The following TBCE variants were observed in gnomAD, a reference collection of about 807,000 sequenced individuals.
TBCE encodes tubulin folding cofactor E.
In TBCE, 53 loss-of-function variants were observed where a neutral mutation model predicts 77.0. That is an observed-to-expected ratio of 0.69 (90% confidence interval 0.55 to 0.87). The LOEUF (loss-of-function observed/expected upper bound fraction) is 0.87, where lower values mean the gene tolerates loss of function less well. TBCE is among the 40% of genes least tolerant of loss of function. The probability of loss-of-function intolerance (pLI) is 0.00; values close to 1 mark genes in which losing one functional copy is unlikely to be tolerated. For synonymous variants in TBCE, 235 were observed against 241.3 expected, an observed-to-expected ratio of 0.97 and a Z score of 0.24; for missense variants, 624 against 622.4, an observed-to-expected ratio of 1.00 and a Z score of -0.03.
At position 235,434,242 on chromosome 1, in the gene TBCE, A is replaced by G. The variant is rs1392218536; in HGVS notation, c.699A>G (p.Glu233=). 1.9e-6 allele frequency: 3 copies of G among 1,614,102 alleles called. No individual in the cohort carries two copies. Among genetic ancestry groups the G allele is most frequent in the Non-Finnish European group, 2.5e-6 (3 of 1,180,026 alleles). Residue 233 remains glutamate (E), a synonymous_variant, in exon 8 of 17, where the codon GAA becomes GAG. Transcript: ENST00000642610. ...TCGCGGGGTGCCCAGGCCTGGAGGAACTCTACCTTGAGTCTAACAACATTT... is the reference window on the plus strand; with the variant it reads ...TCGCGGGGTGCCCAGGCCTGGAGGAGCTCTACCTTGAGTCTAACAACATTT... ...RCVAGCPGLE[E]LYLESNNIFI...
At chr1:235,386,255 G>T (rs539700352) in intron 2 of TBCE, among the ~76,000 whole-genome samples, 95 of 152,214 alleles carry the variant, frequency 6.2e-4, no homozygotes, top group African/African-American at 2.0e-3. Context: ...TTCAACTTTG[G>T]TGAATCTGAC....
chr1:235,438,362 A>T (rs1052417266), intron 12 of TBCE, among the ~76,000 whole-genome samples: 1 of 152,128 alleles, frequency 6.6e-6, no homozygotes. Context: ...CCTGGCTAAC[A>T]CGGCGAAACC....
Position 235,399,814 on chromosome 1 carries a change from G to A in TBCE, c.101-1689G>A, listed in dbSNP as rs184107016. ...GAAGTTCCAGACGCCCAGGCTAGTG[G>A]CTGGTGGTCTGACACTATGTCCAGT... On this transcript the variant is annotated intron_variant, in intron 2 of 16. Coordinates refer to ENST00000642610, the MANE Select transcript of TBCE (RefSeq NM_003193.5). Among the ~76,000 whole-genome samples, 6 of 152,296 alleles carry A rather than the reference G, an allele frequency of 3.9e-5. No homozygotes were observed. The East Asian group carries it at 7.7e-4, about 20-fold the overall frequency.
intron 1 of TBCE, among the ~76,000 whole-genome samples, chr1:235,373,020 A>G (rs889795362): frequency 1.3e-5 from 2 of 151,624 alleles, no homozygotes; most frequent in East Asian, 1.9e-4. Flanking sequence ...CTGTGGCTGT[A>G]TAGAAAAATG....
chr1:235,430,593 T>C (rs946003544), intron 6 of TBCE, 112 bp from the exon 7 acceptor site: 29 of 723,806 alleles, frequency 4.0e-5, no homozygotes, highest in Middle Eastern at 3.9e-4. Context: ...CATTTTAAGA[T>C]TGAAACAAAT....
At chr1:235,400,923 C>T (rs943834987) in intron 2 of TBCE, among the ~76,000 whole-genome samples, 3 of 150,386 alleles carry the variant, frequency 2.0e-5, no homozygotes, top group South Asian at 2.1e-4. Flanking sequence ...CGACCAGTCT[C>T]GAATTCCTGA....
intron 11 of TBCE, 96 bp downstream of exon 11, chr1:235,436,704 A>C (rs1057151474): frequency 5.6e-5 from 69 of 1,232,842 alleles, no homozygotes; most frequent in Non-Finnish European, 7.6e-5. Flanking sequence ...GTAAAAAGAA[A>C]TTTAAATCGA....
chr1:235,421,701 C>CT (rs1476803735), intron 5 of TBCE, among the ~76,000 whole-genome samples: 8 of 151,708 alleles, frequency 5.3e-5, no homozygotes, highest in Admixed American at 1.3e-4. Flanking sequence ...GAGTGAGACT[C>CT]TGTTTCAAAA....
intron 13 of TBCE, among the ~76,000 whole-genome samples, chr1:235,440,339 G>T (rs573876383): frequency 1.3e-5 from 2 of 152,086 alleles, no homozygotes; most frequent in African/African-American, 2.4e-5. Context: ...GGCGCACCAT[G>T]CTCCACTGTA....
chr1:235,439,010 G>A, intron 13 of TBCE, 88 bp downstream of exon 13: 1 of 1,580,488 alleles, frequency 6.3e-7, no homozygotes, highest in South Asian at 1.1e-5. Flanking sequence ...GGTTCTCAGT[G>A]TTGCTTTTGC....
rs200872874 is a variant in TBCE, at chr1:235,414,617, A to G, written c.370A>G (p.Ser124Gly). 19 of 1,613,470 alleles carry G rather than the reference A, an allele frequency of 1.2e-5. No homozygotes were observed. Among genetic ancestry groups the G allele is most frequent in the Non-Finnish European group, 1.5e-5 (18 of 1,179,850 alleles). The change falls in exon 4 of 17, where the codon AGT (serine) becomes GGT (glycine). Residue 124 changes from serine (S) to glycine (G), a missense_variant and splice_region_variant. Ser to Gly is a moderately conservative substitution (Grantham distance 56). Transcript: ENST00000642610. The stretch of plus-strand genomic sequence containing the variant: ...TTTTGACTCTATTATGAAACAGCAA[A>G]GGTAAGTGGAGTTTATAACGGCAGA... Reference protein sequence around the residue: ...IGFDSIMKQQSQLSKLQEVSL... With the variant: ...IGFDSIMKQQGQLSKLQEVSL...
chr1:235,430,774 C>T lies in TBCE; in HGVS notation c.630C>T (p.Val210=), dbSNP rs778214791. The change falls in exon 7 of 17, where the codon GTC becomes GTT. Residue 210 remains valine (V), a synonymous_variant. Coordinates refer to ENST00000642610, the MANE Select transcript of TBCE (RefSeq NM_003193.5). ...TGTLSVLKVL[V]LNQTGITWAE... ...CGCTTTCTGTACTGAAGGTTTTAGT[C>T]CTCAATCAAACAGGAATAACGTGGG... The T allele has an allele frequency of 1.6e-5, 26 of 1,613,548 alleles. No individual in the cohort carries two copies. Among genetic ancestry groups the T allele is most frequent in the Non-Finnish European group, 2.0e-5 (24 of 1,179,810 alleles).
At chr1:235,422,550 C>G (rs1226642316) in intron 5 of TBCE, among the ~76,000 whole-genome samples, 4 of 150,692 alleles carry the variant, frequency 2.7e-5, no homozygotes, top group Non-Finnish European at 5.9e-5. Flanking sequence ...AACGGGGGGG[C>G]CAGGTGTGGT....
intron 3 of TBCE, among the ~76,000 whole-genome samples, chr1:235,408,681 TCTGGG>T (rs1367750799): frequency 6.6e-6 from 1 of 152,186 alleles, no homozygotes; most frequent in Non-Finnish European, 1.5e-5. Context: ...AAACAACCTC[TCTGGG>T]TCAGCTCTTT....
intron 4 of TBCE, among the ~76,000 whole-genome samples, chr1:235,416,843 G>A (rs2102887325): frequency 6.6e-6 from 1 of 152,316 alleles, no homozygotes; most frequent in African/African-American, 2.4e-5. Context: ...TTGGTGGAAT[G>A]CAGCCAGTGT....
At chr1:235,436,479 GC>G (rs753588271) in intron 10 of TBCE, 29 bp downstream of exon 10, 47 of 1,610,212 alleles carry the variant, frequency 2.9e-5, no homozygotes, top group African/African-American at 2.7e-5. Context: ...GTTCCCCACT[GC>G]CCCCCCACAC....
intron 3 of TBCE, among the ~76,000 whole-genome samples, chr1:235,413,540 G>C (rs1679932195): frequency 6.6e-6 from 1 of 151,780 alleles, no homozygotes; most frequent in South Asian, 2.1e-4. Flanking sequence ...GCACATGCCT[G>C]TAGTCCCAGC....
intron 1 of TBCE, among the ~76,000 whole-genome samples, chr1:235,371,667 C>G (rs1240675892): frequency 1.3e-5 from 2 of 151,496 alleles, no homozygotes; most frequent in Non-Finnish European, 1.5e-5. Flanking sequence ...TGAGCTACAG[C>G]ACCCGGCCCC....
chr1:235,380,757 T>C (rs1405525508), intron 2 of TBCE, among the ~76,000 whole-genome samples: 1 of 152,166 alleles, frequency 6.6e-6, no homozygotes, highest in Non-Finnish European at 1.5e-5. Flanking sequence ...GTAGACTTAC[T>C]CATAAGTCTT....
Sources: allele counts gnomAD v4.1 joint callset (sites outside exome capture counted in the v4.1 genomes callset), GRCh38; gene constraint gnomAD v4.1.1; transcripts MANE v1.5; gene names NCBI Gene and HGNC (gene_info 2026-07-23, HGNC 2026-07-21).